The following EFCAB7 variants were observed in gnomAD, a reference collection of about 807,000 sequenced individuals.
The protein encoded by EFCAB7 is EF-hand calcium binding domain 7, also known as EF-hand calcium-binding domain-containing protein 7.
EFCAB7 carries 66 observed loss-of-function variants against 77.1 expected under a neutral mutation model. The ratio of observed to expected loss-of-function variants is 0.86; its 90% CI spans 0.70 to 1.05. EFCAB7 has a LOEUF of 1.05. EFCAB7 is among the 50% of genes least tolerant of loss of function. The probability of loss-of-function intolerance (pLI) is 0.00; values close to 1 mark genes in which losing one functional copy is unlikely to be tolerated. For missense variants in EFCAB7, 638 were observed against 730.5 expected, an observed-to-expected ratio of 0.87 and a Z score of 1.46; for synonymous variants, 225 against 243.3, an observed-to-expected ratio of 0.92 and a Z score of 0.70.
intron 8 of EFCAB7, among the ~76,000 whole-genome samples, chr1:63,554,344 T>A (rs1004448248): frequency 5.9e-5 from 9 of 152,266 alleles, no homozygotes; most frequent in Middle Eastern, 3.4e-3. Flanking sequence ...TTCTTTCTTT[T>A]GTTTTTTTGT....
chr1:63,525,889 C>T (rs1385929182), intron 2 of EFCAB7, 130 bp downstream of exon 2: 1 of 622,418 alleles, frequency 1.6e-6, no homozygotes, highest in Non-Finnish European at 2.7e-6. Context: ...AATGGAACTA[C>T]AGTAAGCTAT....
In EFCAB7 at chr1:63,525,593, C is replaced by T. The variant is rs765019829; in HGVS notation, c.21C>T (p.Ser7=). 8.0e-5 allele frequency: 126 copies of T among 1,567,848 alleles called. No individual in the cohort carries two copies. Among genetic ancestry groups the T allele is most frequent in the Non-Finnish European group, 1.0e-4 (117 of 1,167,634 alleles). ...ATAGAATGGCGATCAGTCCACGAAG[C>T]GATGCAACTTTCTCCAGTCAGAAAT... is the stretch of plus-strand genomic sequence containing the variant. MAISPR[S]DATFSSQKST... is the part of the protein sequence containing the mutation. The change falls in exon 2 of 14, where the codon AGC becomes AGT. Residue 7 remains serine (S), a synonymous_variant. Coordinates refer to ENST00000371088, the MANE Select transcript of EFCAB7 (RefSeq NM_032437.4).
intron 7 of EFCAB7, chr1:63,548,189 A>G (rs561235845): frequency 6.6e-6 from 1 of 152,220 alleles, no homozygotes; most frequent in Non-Finnish European, 1.5e-5. Flanking sequence ...TACTGGTGTT[A>G]AAAGAACAGA....
chr1:63,523,662 CTT>C (rs887315085), intron 1 of EFCAB7, 28 bp downstream of exon 1: 5 of 178,098 alleles, frequency 2.8e-5, no homozygotes, highest in Non-Finnish European at 6.1e-5. Context: ...GTCTCTGTCT[CTT>C]CGCTCCCTCT....
chr1:63,538,400 G>A (rs1646787900), intron 6 of EFCAB7, among the ~76,000 whole-genome samples: 2 of 151,946 alleles, frequency 1.3e-5, no homozygotes, highest in African/African-American at 2.4e-5. Context: ...CTAGGTCCTA[G>A]AGAAAAAGCT....
intron 3 of EFCAB7, among the ~76,000 whole-genome samples, 191 bp from the exon 4 acceptor site, chr1:63,532,479 C>T (rs756815639): frequency 6.6e-6 from 1 of 152,010 alleles, no homozygotes; most frequent in African/African-American, 2.4e-5. Flanking sequence ...CACACTTTCA[C>T]AAAATTTAAT....
At position 63,551,881 on chromosome 1, in the gene EFCAB7, A is replaced by G. The variant is rs374896011; in HGVS notation, c.1056+47A>G. ...TGTTTAATTTTTAAATATAGTATGA[A>G]CTGCAGTTTGGGGAAAGTATGTTTC... is the stretch of plus-strand genomic sequence containing the variant. On this transcript the variant is annotated intron_variant, in intron 8 of 13. Transcript: ENST00000371088. The G allele has an allele frequency of 9.7e-6, 12 of 1,230,890 alleles. No homozygotes were observed. In the African/African-American group the frequency reaches 1.7e-4, roughly 17 times the overall value. 76.2% of individuals were successfully genotyped at this position (1,230,890 alleles called of 1,614,324 possible).
At chr1:63,560,613 T>C (rs1570432877) in intron 10 of EFCAB7, among the ~76,000 whole-genome samples, 1 of 150,442 alleles carries the variant, frequency 6.6e-6, no homozygotes, top group African/African-American at 2.5e-5. Context: ...GCCTCCCAGG[T>C]TCAAGTGATT....
chr1:63,540,515 C>T (rs1646815762), intron 6 of EFCAB7, among the ~76,000 whole-genome samples: 1 of 152,048 alleles, frequency 6.6e-6, no homozygotes, highest in Non-Finnish European at 1.5e-5. Context: ...GGCCAAATGT[C>T]TTGGACTCTA....
chr1:63,582,265 G>A, the EFCAB7 span, among the ~76,000 whole-genome samples: 6 of 152,216 alleles, frequency 3.9e-5, no homozygotes, highest in Non-Finnish European at 5.9e-5. Context: ...TAGTGATGCC[G>A]GAAGTGCTCC....
intron 2 of EFCAB7, among the ~76,000 whole-genome samples, chr1:63,527,112 G>C (rs1388000611): frequency 2.0e-5 from 3 of 152,148 alleles, no homozygotes. Context: ...AAAATAATCC[G>C]AGTTTTTTTT....
intron 7 of EFCAB7, among the ~76,000 whole-genome samples, chr1:63,546,716 A>G (rs997024517): frequency 1.3e-5 from 2 of 152,118 alleles, no homozygotes; most frequent in Non-Finnish European, 2.9e-5. Flanking sequence ...TCCATTTGTC[A>G]ATTTTTAAAA....
At position 63,561,706 on chromosome 1, in the gene EFCAB7, CAG is replaced by C. The variant is rs766093174; in HGVS notation, c.1350_1351del. 2.7e-5 allele frequency: 42 copies of C among 1,571,682 alleles called. No individual in the cohort carries two copies. The highest frequency in any genetic ancestry group is 4.9e-5 in the South Asian group (4 of 82,452). On this transcript the variant is annotated splice_acceptor_variant, in intron 10 of 13. Coordinates refer to ENST00000371088, the MANE Select transcript of EFCAB7 (RefSeq NM_032437.4). LOFTEE classifies it high-confidence loss of function. Reference sequence around the variant, plus strand: ...AAGAAAAAACTTTTGGTTGTTTAAACAGAGAATTTTGATACAAAGAGGAATGA... The same window carrying C: ...AAGAAAAAACTTTTGGTTGTTTAAACAGAATTTTGATACAAAGAGGAATGA...
Position 63,545,908 on chromosome 1 carries a change from C to T in EFCAB7, c.805-8C>T, listed in dbSNP as rs1347138398. 6.2e-7 allele frequency: 1 copy of T among 1,609,830 alleles called. No individual in the cohort carries two copies. Among genetic ancestry groups the T allele is most frequent in the African/African-American group, 1.3e-5 (1 of 74,714 alleles). On this transcript the variant is annotated splice_polypyrimidine_tract_variant and splice_region_variant and intron_variant, in intron 6 of 13. Transcript: ENST00000371088. ...TATTGTTTGAAATAATTTTTTCCTTCATTTCAGGACTGGCAACACATGCAA... is the reference window on the plus strand; with the variant it reads ...TATTGTTTGAAATAATTTTTTCCTTTATTTCAGGACTGGCAACACATGCAA...
chr1:63,523,994 C>T (rs1178969086), intron 1 of EFCAB7, among the ~76,000 whole-genome samples: 1 of 152,058 alleles, frequency 6.6e-6, no homozygotes, highest in Non-Finnish European at 1.5e-5. Context: ...CTGTCTCAGT[C>T]TCGGGCCGGA....
At chr1:63,575,755 C>CGT (rs1367185277), downstream of EFCAB7, among the ~76,000 whole-genome samples, 1 of 147,892 alleles carries the variant, frequency 6.8e-6, no homozygotes, top group African/African-American at 2.7e-5. Context: ...AGCTCGTTTT[C>CGT]ATATTTTTTT....
intron 10 of EFCAB7, among the ~76,000 whole-genome samples, chr1:63,558,976 A>T (rs192027520): frequency 1.4e-4 from 22 of 151,734 alleles, no homozygotes; most frequent in Non-Finnish European, 5.9e-5. Flanking sequence ...TGAGGCCAGG[A>T]TTTCAAGACC....
intron 6 of EFCAB7, 115 bp downstream of exon 6, chr1:63,534,331 T>C (rs1646738107): frequency 2.3e-6 from 2 of 868,166 alleles, no homozygotes; most frequent in Non-Finnish European, 3.4e-6. Flanking sequence ...TAATTTGAGG[T>C]TTTTCTGTGT....
the EFCAB7 span, among the ~76,000 whole-genome samples, chr1:63,581,157 G>C: frequency 6.6e-6 from 1 of 152,124 alleles, no homozygotes; most frequent in Admixed American, 6.5e-5. Flanking sequence ...CACAATCTTA[G>C]TGGGGAAAGC....
Sources: gnomAD v4.1 joint callset for allele counts (sites outside exome capture counted in the v4.1 genomes callset) on GRCh38, gnomAD v4.1.1 for gene constraint, MANE v1.5 for transcripts, NCBI Gene and HGNC (gene_info 2026-07-23, HGNC 2026-07-21) for gene names.